AGK: variants seen among roughly 807,000 people sequenced by gnomAD.
AGK encodes acylglycerol kinase, mitochondrial.
A neutral mutation model predicts 66.4 loss-of-function variants in AGK; 52 were observed. That is an observed-to-expected ratio of 0.78 (90% CI 0.63 to 0.99). The LOEUF is 0.99. Among genes scored for constraint, AGK ranks in the 50% least tolerant of loss-of-function variants. The pLI, the probability that AGK is intolerant of heterozygous loss-of-function variation, is 0.00. For missense variants in AGK, 451 were observed against 506.6 expected (o/e 0.89, Z 1.05); for synonymous variants, 182 against 181.1 (o/e 1.00, Z -0.04).
intron 2 of AGK, among the ~76,000 whole-genome samples, chr7:141,563,520 C>T (rs1188104595): frequency 6.6e-6 from 1 of 152,330 alleles, no homozygotes; most frequent in South Asian, 2.1e-4. Flanking sequence ...TCCCGGACAC[C>T]CTGAGTGTCC....
chr7:141,570,554 A>G (rs1587072180), intron 2 of AGK, among the ~76,000 whole-genome samples: 1 of 152,080 alleles, frequency 6.6e-6, no homozygotes, highest in East Asian at 1.9e-4. Context: ...AGTATAATGA[A>G]TCCCCAAGTA....
chr7:141,571,579 G>A (rs1309647284), intron 2 of AGK, among the ~76,000 whole-genome samples: 1 of 152,082 alleles, frequency 6.6e-6, no homozygotes, highest in African/African-American at 2.4e-5. Context: ...TCCTGTTTTT[G>A]GTGATACTAA....
intron 14 of AGK, chr7:141,650,770 GGT>G: frequency 3.7e-6 from 3 of 814,614 alleles, no homozygotes; most frequent in Non-Finnish European, 4.4e-6. Context: ...GTATCCTTGG[GGT>G]ATTGGTTCCA....
chr7:141,608,457 T>A (rs933141009), intron 5 of AGK, among the ~76,000 whole-genome samples: 10 of 152,092 alleles, frequency 6.6e-5, no homozygotes, highest in Non-Finnish European at 1.3e-4. Flanking sequence ...ATTTGAAGCA[T>A]GGTAAAGAGG....
intron 13 of AGK, among the ~76,000 whole-genome samples, chr7:141,645,402 A>G (rs1797388761): frequency 1.3e-5 from 2 of 152,154 alleles, no homozygotes; most frequent in South Asian, 2.1e-4. Flanking sequence ...ACCTAATTAA[A>G]TTATTATTAA....
intron 8 of AGK, among the ~76,000 whole-genome samples, chr7:141,616,973 G>T (rs1315082436): frequency 6.6e-6 from 1 of 151,906 alleles, no homozygotes; most frequent in African/African-American, 2.4e-5. Context: ...TAGCCAGGAT[G>T]GTCTCGATCT....
chr7:141,623,791 C>G (rs1023861831), intron 9 of AGK, among the ~76,000 whole-genome samples: 10 of 152,144 alleles, frequency 6.6e-5, no homozygotes, highest in Middle Eastern at 3.2e-3. Flanking sequence ...GAAGAATGTG[C>G]CATCTCAGAC....
At chr7:141,616,068 TG>T (rs1796695466) in intron 8 of AGK, 1 of 152,450 alleles carries the variant, frequency 6.6e-6, no homozygotes, top group African/African-American at 2.4e-5. Flanking sequence ...GGGAAAGCAG[TG>T]TAGCTCTGAC....
intron 2 of AGK, chr7:141,561,956 G>T: frequency 2.3e-6 from 1 of 434,900 alleles, no homozygotes; most frequent in African/African-American, 2.0e-5. Context: ...ATCCAGCAGG[G>T]ATAGCGGGCT....
intron 2 of AGK, among the ~76,000 whole-genome samples, chr7:141,581,088 G>A (rs915910328): frequency 9.9e-5 from 15 of 152,082 alleles, no homozygotes; most frequent in Non-Finnish European, 1.6e-4. Flanking sequence ...AGTCGGACAC[G>A]ATCGGCAGGG....
intron 2 of AGK, chr7:141,562,038 G>T (rs151211111): frequency 2.8e-5 from 13 of 456,218 alleles, no homozygotes; most frequent in African/African-American, 2.4e-4. Context: ...TCAGCCATGG[G>T]TACCAGCACC....
At chr7:141,573,735 C>T (rs1348721112) in intron 2 of AGK, among the ~76,000 whole-genome samples, 1 of 152,182 alleles carries the variant, frequency 6.6e-6, no homozygotes, top group Non-Finnish European at 1.5e-5. Flanking sequence ...ACTTGTGAGG[C>T]AGAGGGACGT....
rs973731551 is a variant in AGK, at chr7:141,598,675, A to G, written c.221+2034A>G. Among the ~76,000 whole-genome samples, 2 of 152,182 alleles carry G rather than the reference A, an allele frequency of 1.3e-5. No individual in the cohort carries two copies. Among genetic ancestry groups the G allele is most frequent in the African/African-American group, 4.8e-5 (2 of 41,454 alleles). On this transcript the variant is annotated intron_variant, in intron 4 of 15. Coordinates refer to ENST00000649286, the MANE Select transcript of AGK (RefSeq NM_018238.4). The surrounding 1 kb of genome is among the most constrained non-coding windows in gnomAD (Gnocchi z 4.2). Reference sequence around the variant, plus strand: ...TAAACTGCTGAAATTGTTACTCTTGACTATGGGTTAGGTTCAGAACAGTCT... The same window carrying G: ...TAAACTGCTGAAATTGTTACTCTTGGCTATGGGTTAGGTTCAGAACAGTCT...
intron 2 of AGK, among the ~76,000 whole-genome samples, chr7:141,587,328 C>T (rs775974080): frequency 3.7e-4 from 57 of 152,202 alleles, no homozygotes; most frequent in Non-Finnish European, 6.8e-4. Context: ...TCACTAGATT[C>T]AGTCTTACCT....
At position 141,623,579 on chromosome 7, in the gene AGK, A is replaced by C. The variant is rs143672487; in HGVS notation, c.588+1778A>C. Among the ~76,000 whole-genome samples the C allele has an allele frequency of 6.3e-3, 962 of 152,286 alleles. 6 individuals are homozygous for C. The highest frequency in any genetic ancestry group is 0.01 in the Non-Finnish European group (706 of 68,028). On this transcript the variant is annotated intron_variant, in intron 9 of 15. Transcript: ENST00000649286. Reference sequence around the variant, plus strand: ...GCTGAGAGAAGTGAAGAGGCTGCAGAAGAAATGTTTGAACCTAACAGAGGT... The same window carrying C: ...GCTGAGAGAAGTGAAGAGGCTGCAGCAGAAATGTTTGAACCTAACAGAGGT...
At chr7:141,607,040 A>G (rs1172110832) in intron 5 of AGK, among the ~76,000 whole-genome samples, 1 of 152,126 alleles carries the variant, frequency 6.6e-6, no homozygotes, top group East Asian at 1.9e-4. Context: ...AATGTGCTAC[A>G]GTTTATCCAT....
At chr7:141,559,641 C>CA (rs1374819575) in intron 2 of AGK, among the ~76,000 whole-genome samples, 1 of 151,832 alleles carries the variant, frequency 6.6e-6, no homozygotes, top group African/African-American at 2.4e-5. Context: ...TCTATTTTTG[C>CA]AAAAAATGCC....
At position 141,653,169 on chromosome 7, in the gene AGK, T is replaced by A. The variant is rs946354185; in HGVS notation, c.*245T>A. ...GGTTGGCCCTCCTAAACACGGACTTTCCTCAGGCTGGTTCAAGACGGAAAA... is the reference window on the plus strand; with the variant it reads ...GGTTGGCCCTCCTAAACACGGACTTACCTCAGGCTGGTTCAAGACGGAAAA... On this transcript the variant is annotated 3_prime_UTR_variant, in exon 16 of 16. Transcript: ENST00000649286. 2.2e-6 allele frequency: 1 copy of A among 464,018 alleles called. No individual in the cohort carries two copies. The highest frequency in any genetic ancestry group is 1.9e-5 in the African/African-American group (1 of 51,402). The allele number at this position is 464,018 out of a possible 1,614,324, so 28.7% of individuals were successfully genotyped here.
At chr7:141,619,345 CAT>C (rs1796775389) in intron 8 of AGK, among the ~76,000 whole-genome samples, 1 of 152,084 alleles carries the variant, frequency 6.6e-6, no homozygotes, top group African/African-American at 2.4e-5. Flanking sequence ...AAACAAGAGA[CAT>C]AAATCAGTAG....
Sources: gnomAD v4.1 joint callset for allele counts (sites outside exome capture counted in the v4.1 genomes callset) on GRCh38, gnomAD v4.1.1 for gene constraint, Gnocchi (gnomAD v3.1) non-coding constraint, MANE v1.5 for transcripts, NCBI Gene and HGNC (gene_info 2026-07-23, HGNC 2026-07-21) for gene names.